Variants in TMTC2 observed in about 807,000 individuals in gnomAD.
TMTC2 encodes protein O-mannosyl-transferase TMTC2.
A neutral mutation model predicts 82.4 loss-of-function variants in TMTC2; 43 were observed. The observed-to-expected ratio is 0.52, with a 90% confidence interval of 0.41 to 0.67. The LOEUF (loss-of-function observed/expected upper bound fraction) is 0.67, where lower values mean the gene tolerates loss of function less well. TMTC2 is among the 30% of genes least tolerant of loss of function. The pLI is 0.00. For missense variants in TMTC2, 919 were observed against 1,012.4 expected, an observed-to-expected ratio of 0.91 and a Z score of 1.25; for synonymous variants, 408 against 381.9, an observed-to-expected ratio of 1.07 and a Z score of -0.80.
At chr12:82,837,099 T>C (rs1263123935) in intron 1 of TMTC2, among the ~76,000 whole-genome samples, 1 of 152,214 alleles carries the variant, frequency 6.6e-6, no homozygotes, top group African/African-American at 2.4e-5. Context: ...TGACAAAAAC[T>C]GAAGCCTATT....
At chr12:82,751,444 G>C (rs1055627833) in intron 1 of TMTC2, among the ~76,000 whole-genome samples, 10 of 151,958 alleles carry the variant, frequency 6.6e-5, no homozygotes, top group Admixed American at 1.3e-4. Flanking sequence ...GCTAAATGAC[G>C]AGTTAATGGG....
At chr12:82,845,971 G>T (rs185515561) in intron 1 of TMTC2, among the ~76,000 whole-genome samples, 3 of 149,106 alleles carry the variant, frequency 2.0e-5, no homozygotes, top group Admixed American at 1.3e-4. Context: ...ATTTCCTGTA[G>T]AAATTGTGAA....
At chr12:82,998,104 G>A (rs1879745535) in intron 8 of TMTC2, among the ~76,000 whole-genome samples, 1 of 152,152 alleles carries the variant, frequency 6.6e-6, no homozygotes, top group African/African-American at 2.4e-5. Flanking sequence ...CCTTGAGTTG[G>A]TGACAGAACA....
At chr12:82,930,591 CA>C (rs1423314750) in intron 4 of TMTC2, 46 bp downstream of exon 4, 1 of 1,160,954 alleles carries the variant, frequency 8.6e-7, no homozygotes, top group Non-Finnish European at 1.3e-6. Flanking sequence ...TTGAAACCTG[CA>C]GTGAGAGGGA....
chr12:82,800,218 A>G (rs1403070084), intron 1 of TMTC2, among the ~76,000 whole-genome samples: 1 of 152,116 alleles, frequency 6.6e-6, no homozygotes, highest in Non-Finnish European at 1.5e-5. Flanking sequence ...CCTTAACTGT[A>G]GTGCCTGGCC....
At chr12:82,994,187 C>A (rs12816354) in intron 8 of TMTC2, among the ~76,000 whole-genome samples, 4 of 152,040 alleles carry the variant, frequency 2.6e-5, no homozygotes, top group Non-Finnish European at 5.9e-5. Flanking sequence ...ACAGGGGTCT[C>A]GCTGTATCGC....
chr12:83,108,969 T>C (rs1244391480), intron 11 of TMTC2, among the ~76,000 whole-genome samples: 1 of 152,226 alleles, frequency 6.6e-6, no homozygotes, highest in Non-Finnish European at 1.5e-5. Context: ...ATTTCACTTC[T>C]GTTCACGTAA....
rs142238136 is a variant in TMTC2 at position 82,724,746 on chromosome 12, G to C, written c.83+37077G>C. 5.3e-5 allele frequency among the ~76,000 whole-genome samples: 8 copies of C among 152,160 alleles called. No individual in the cohort carries two copies. In the East Asian group the frequency reaches 1.5e-3, roughly 29 times the overall value. On this transcript the variant is annotated intron_variant, in intron 1 of 11. Coordinates refer to ENST00000321196, the MANE Select transcript of TMTC2 (RefSeq NM_152588.3). Reference sequence around the variant, plus strand: ...TCATTCCGTCTTCTCAAAATAGGTTGGTGTGATTCTCTGAAAACATGGCCA... The same window carrying C: ...TCATTCCGTCTTCTCAAAATAGGTTCGTGTGATTCTCTGAAAACATGGCCA...
intron 1 of TMTC2, among the ~76,000 whole-genome samples, chr12:82,852,718 A>G (rs951683465): frequency 1.3e-5 from 2 of 152,212 alleles, no homozygotes; most frequent in African/African-American, 4.8e-5. Context: ...AAAATCTATT[A>G]TGCTTAGGTT....
intron 2 of TMTC2, among the ~76,000 whole-genome samples, chr12:82,874,504 A>G (rs1274986446): frequency 6.6e-6 from 1 of 152,208 alleles, no homozygotes; most frequent in Non-Finnish European, 1.5e-5. Flanking sequence ...ACTCATTTCT[A>G]TGAACAAAAG....
intron 11 of TMTC2, among the ~76,000 whole-genome samples, chr12:83,080,916 G>A (rs1163126822): frequency 6.6e-6 from 1 of 152,162 alleles, no homozygotes; most frequent in Non-Finnish European, 1.5e-5. Context: ...CACTGGAAAA[G>A]TGAAATGACA....
At chr12:83,097,794 T>C (rs1884082126) in intron 11 of TMTC2, among the ~76,000 whole-genome samples, 2 of 152,092 alleles carry the variant, frequency 1.3e-5, no homozygotes, top group Admixed American at 6.5e-5. Flanking sequence ...GCCATGCAAA[T>C]ATATGCGCAT....
chr12:82,920,607 A>C (rs1875332285), intron 3 of TMTC2, among the ~76,000 whole-genome samples: 2 of 152,182 alleles, frequency 1.3e-5, no homozygotes, highest in African/African-American at 4.8e-5. Flanking sequence ...TTGAGATATA[A>C]GAGTTATTCC....
chr12:83,080,555 T>C (rs1883430061), intron 11 of TMTC2, among the ~76,000 whole-genome samples: 1 of 152,140 alleles, frequency 6.6e-6, no homozygotes, highest in Non-Finnish European at 1.5e-5. Context: ...TTTTTATAGA[T>C]GGAGAAACAG....
intron 1 of TMTC2, among the ~76,000 whole-genome samples, chr12:82,777,037 G>A (rs1285560349): frequency 1.3e-5 from 2 of 152,178 alleles, no homozygotes; most frequent in Non-Finnish European, 2.9e-5. Context: ...TGTCTGAGTT[G>A]CACAGCTCTA....
chr12:83,132,222 T>A lies in TMTC2; in HGVS notation c.2344T>A (p.Leu782Met), dbSNP rs766120478. ...ARLRPNYPAA[L>M]MNLGAILHLN... ...TCTCTTGTTGCAGTATCCGGCTGCT[T>A]TGATGAACCTGGGAGCCATTCTGCA... Residue 782 changes from leucine (L) to methionine (M), a missense_variant, in exon 12 of 12, where the codon TTG becomes ATG. Leu to Met is a conservative substitution (Grantham distance 15, BLOSUM62 2). Transcript: ENST00000321196. 18 of 1,607,684 alleles carry A rather than the reference T, an allele frequency of 1.1e-5. No individual in the cohort carries two copies. The highest frequency in any genetic ancestry group is 2.7e-5 in the African/African-American group (2 of 74,422).
chr12:82,990,320 TAC>T (rs1294559771), intron 8 of TMTC2, among the ~76,000 whole-genome samples: 1 of 152,192 alleles, frequency 6.6e-6, no homozygotes, highest in Non-Finnish European at 1.5e-5. Context: ...GTACTTTTAT[TAC>T]AGTCAGTGGA....
chr12:82,921,674 A>T (rs1384835220), intron 3 of TMTC2, among the ~76,000 whole-genome samples: 3 of 152,152 alleles, frequency 2.0e-5, no homozygotes, highest in Non-Finnish European at 4.4e-5. Flanking sequence ...TTGGGAAAAA[A>T]CTTTTCAAAA....
intron 10 of TMTC2, among the ~76,000 whole-genome samples, chr12:83,055,215 A>G (rs1441733385): frequency 6.6e-6 from 1 of 152,032 alleles, no homozygotes; most frequent in Non-Finnish European, 1.5e-5. Context: ...GATGAGTGGA[A>G]ACTGAGTCCT....
Sources: allele counts gnomAD v4.1 joint callset (sites outside exome capture counted in the v4.1 genomes callset), GRCh38; gene constraint gnomAD v4.1.1; transcripts MANE v1.5; gene names NCBI Gene and HGNC (gene_info 2026-07-23, HGNC 2026-07-21).